PCDH7: variants seen among roughly 807,000 people sequenced by gnomAD.
PCDH7 encodes protocadherin-7.
In PCDH7, 17 loss-of-function variants were observed where a neutral mutation model predicts 58.9. That is an observed-to-expected ratio of 0.29 (90% CI 0.20 to 0.43). The LOEUF (loss-of-function observed/expected upper bound fraction) is 0.43. PCDH7 is among the 20% of genes least tolerant of loss of function. The pLI is 1.00. For missense variants in PCDH7, 1,274 were observed against 1,441.0 expected (o/e 0.88, Z 1.88); for synonymous variants, 664 against 616.4 (o/e 1.08, Z -1.14).
At chr4:30,777,009 G>T (rs1722155174) in intron 1 of PCDH7, among the ~76,000 whole-genome samples, 2 of 152,076 alleles carry the variant, frequency 1.3e-5, no homozygotes, top group South Asian at 4.1e-4. Flanking sequence ...ATTTGAAAAG[G>T]TATAACAAGT....
intron 3 of PCDH7, among the ~76,000 whole-genome samples, chr4:31,131,228 AC>A (rs1295981989): frequency 1.3e-5 from 2 of 152,086 alleles, no homozygotes; most frequent in African/African-American, 4.8e-5. Context: ...AGATTTTGCC[AC>A]TCTCCAAAGT....
chr4:31,083,751 C>G (rs1711934296), intron 3 of PCDH7, among the ~76,000 whole-genome samples: 1 of 152,140 alleles, frequency 6.6e-6, no homozygotes, highest in Non-Finnish European at 1.5e-5. Flanking sequence ...AATATCTGAG[C>G]CCTTGACCTT....
chr4:31,038,631 T>G (rs1578628952), intron 3 of PCDH7, among the ~76,000 whole-genome samples: 1 of 152,316 alleles, frequency 6.6e-6, no homozygotes, highest in East Asian at 1.9e-4. Context: ...ACTGTATATA[T>G]TCTGTGACTT....
Position 30,722,096 on chromosome 4 carries a change from G to A in PCDH7, c.674G>A (p.Arg225Gln). Residue 225 changes from arginine to glutamine, a missense_variant, in exon 1 of 2, where the codon CGG becomes CAG. Coordinates refer to ENST00000361762, the Ensembl canonical transcript of PCDH7. The surrounding 1 kb of genome is among the most constrained non-coding windows in gnomAD (Gnocchi z 7.6). ...GGCGGCTCGGGAGGCTCCAAGCGGC[G>A]GCTGGACGCATCAGAGGGCGGCGGC... 7.4e-7 allele frequency: 1 copy of A among 1,354,332 alleles called. No individual in the cohort carries two copies. Among genetic ancestry groups the A allele is most frequent in the Non-Finnish European group, 9.4e-7 (1 of 1,059,364 alleles). The allele number at this position is 1,354,332 out of a possible 1,614,324, so 83.9% of individuals were successfully genotyped here.
At chr4:31,047,093 G>T (rs1756350998) in intron 3 of PCDH7, among the ~76,000 whole-genome samples, 2 of 151,508 alleles carry the variant, frequency 1.3e-5, no homozygotes, top group African/African-American at 4.8e-5. Context: ...TTTTTTGTTT[G>T]TTTTTTTTAA....
intron 3 of PCDH7, among the ~76,000 whole-genome samples, chr4:31,085,656 T>C (rs998946729): frequency 2.6e-5 from 4 of 152,128 alleles, no homozygotes; most frequent in African/African-American, 9.7e-5. Context: ...GATATTACAT[T>C]TCAACATGAG....
At chr4:30,741,286 G>C (rs1717040833) in intron 1 of PCDH7, among the ~76,000 whole-genome samples, 2 of 151,518 alleles carry the variant, frequency 1.3e-5, no homozygotes, top group Admixed American at 6.6e-5. Context: ...TGTCACTCGG[G>C]CTCAGGTGAT....
At chr4:31,123,727 C>T (rs1717953885) in intron 3 of PCDH7, among the ~76,000 whole-genome samples, 1 of 152,118 alleles carries the variant, frequency 6.6e-6, no homozygotes, top group South Asian at 2.1e-4. Flanking sequence ...TGTCCAGCGT[C>T]CAGGAAGAAC....
intron 2 of PCDH7, among the ~76,000 whole-genome samples, chr4:30,922,872 A>T (rs1454658994): frequency 2.0e-5 from 3 of 152,110 alleles, no homozygotes; most frequent in Non-Finnish European, 4.4e-5. Flanking sequence ...TGAGTAACAA[A>T]TTTGTTGGGT....
At chr4:31,068,966 T>C (rs895678901) in intron 3 of PCDH7, among the ~76,000 whole-genome samples, 1 of 151,926 alleles carries the variant, frequency 6.6e-6, no homozygotes, top group Non-Finnish European at 1.5e-5. Context: ...TCCAGATACT[T>C]TTTTGGCTTT....
At chr4:31,025,547 G>A (rs1754359318) in intron 3 of PCDH7, among the ~76,000 whole-genome samples, 1 of 152,200 alleles carries the variant, frequency 6.6e-6, no homozygotes, top group Non-Finnish European at 1.5e-5. Context: ...TTTTGAAGTA[G>A]ATGATTTATT....
intron 3 of PCDH7, among the ~76,000 whole-genome samples, chr4:31,024,024 G>C (rs1176444524): frequency 1.3e-5 from 2 of 152,194 alleles, no homozygotes; most frequent in Non-Finnish European, 2.9e-5. Context: ...TGGAATCAGG[G>C]ATTGATGCTT....
chr4:30,864,770 G>A (rs10001740), intron 1 of PCDH7, among the ~76,000 whole-genome samples: 78,210 of 151,898 alleles, frequency 0.51, 22,479 homozygotes, highest in African/African-American at 0.79. Flanking sequence ...AAACATCTCA[G>A]AGTAATTCAG....
chr4:30,786,398 C>G (rs1378626212), intron 1 of PCDH7, among the ~76,000 whole-genome samples: 2 of 152,026 alleles, frequency 1.3e-5, no homozygotes, highest in Non-Finnish European at 2.9e-5. Flanking sequence ...ACTCCCCCAG[C>G]CCTCTTTTGA....
At chr4:30,987,777 T>G (rs1302102206) in intron 3 of PCDH7, 1 of 152,196 alleles carries the variant, frequency 6.6e-6, no homozygotes, top group Non-Finnish European at 1.5e-5. Context: ...ATATTTTTAT[T>G]TTTAAATATT....
chr4:31,054,784 T>C (rs543896103), intron 3 of PCDH7, among the ~76,000 whole-genome samples: 114 of 152,304 alleles, frequency 7.5e-4, no homozygotes, highest in African/African-American at 2.6e-3. Flanking sequence ...ACCTCAGTTC[T>C]TTTTTGTTGG....
intron 2 of PCDH7, among the ~76,000 whole-genome samples, chr4:30,922,994 G>T (rs898163163): frequency 6.6e-5 from 10 of 152,256 alleles, no homozygotes; most frequent in South Asian, 6.2e-4. Context: ...AATTGGAATT[G>T]AAACCTGTCA....
chr4:30,998,577 C>T (rs1420242542), intron 3 of PCDH7, among the ~76,000 whole-genome samples: 2 of 152,024 alleles, frequency 1.3e-5, no homozygotes, highest in East Asian at 3.9e-4. Context: ...TTTTATGGGG[C>T]GTATCCCAGA....
intron 3 of PCDH7, among the ~76,000 whole-genome samples, chr4:31,077,435 A>AAGAAAG (rs1320292268): frequency 6.6e-6 from 1 of 152,024 alleles, no homozygotes; most frequent in African/African-American, 2.4e-5. Context: ...GAAAAAGAAA[A>AAGAAAG]AAAGAAAAAA....
Sources: gnomAD v4.1 joint callset for allele counts (sites outside exome capture counted in the v4.1 genomes callset) on GRCh38, gnomAD v4.1.1 for gene constraint, Gnocchi (gnomAD v3.1) non-coding constraint, MANE v1.5 for transcripts, NCBI Gene and HGNC (gene_info 2026-07-23, HGNC 2026-07-21) for gene names.